The following RELCH variants were observed in gnomAD, a reference collection of about 807,000 sequenced individuals.
RELCH encodes the protein RAB11 binding and LisH domain, coiled-coil and HEAT repeat containing.
Under a neutral mutation model 150.3 loss-of-function variants are expected in RELCH, and 41 were observed. The ratio of observed to expected loss-of-function variants is 0.27; its 90% confidence interval spans 0.21 to 0.35. The LOEUF (loss-of-function observed/expected upper bound fraction) is 0.35. Ranked by LOEUF, RELCH falls within the 10% of genes least tolerant of loss-of-function variation. RELCH has a pLI of 1.00. For synonymous variants in RELCH, 478 were observed against 531.8 expected, an observed-to-expected ratio of 0.90 and a Z score of 1.39; for missense variants, 1,092 against 1,467.8, an observed-to-expected ratio of 0.74 and a Z score of 4.18.
intron 12 of RELCH, among the ~76,000 whole-genome samples, chr18:62,253,400 G>A (rs2042833889): frequency 6.6e-6 from 1 of 151,282 alleles, no homozygotes; most frequent in Admixed American, 6.6e-5. Context: ...ATTTATACTT[G>A]AACTCATTAT....
chr18:62,248,004 C>T (rs780879065), intron 11 of RELCH, among the ~76,000 whole-genome samples: 2 of 152,082 alleles, frequency 1.3e-5, no homozygotes, highest in Non-Finnish European at 2.9e-5. Context: ...GTATATGTTC[C>T]TGCAATATCA....
At position 62,287,357 on chromosome 18, in the gene RELCH, T is replaced by C. The variant is rs2044863569; in HGVS notation, c.3260T>C (p.Ile1087Thr). 6.4e-7 allele frequency: 1 copy of C among 1,566,562 alleles called. No individual in the cohort carries two copies. Among genetic ancestry groups the C allele is most frequent in the Non-Finnish European group, 8.8e-7 (1 of 1,137,976 alleles). Residue 1087 changes from isoleucine to threonine, a missense_variant, in exon 26 of 29, where the codon ATA becomes ACA. Around this residue, in one of 4 missense-constraint regions of RELCH, gnomAD observed 707 missense variants for 1,025.4 expected, o/e 0.69. Coordinates refer to ENST00000644646, the MANE Select transcript of RELCH (RefSeq NM_001346231.2). The part of the protein sequence containing the change: ...AEPRFRDEFV[I>T]PHLHKLALVN... ...CTTTTTTTTCTGTTTTCAGTTGTTA[T>C]ACCACATTTGCATAAGTTAGCCTTG...
At chr18:62,290,392 G>T (rs111394684) in intron 26 of RELCH, among the ~76,000 whole-genome samples, 6,878 of 152,288 alleles carry the variant, frequency 0.045, 188 homozygotes, top group South Asian at 0.073. Context: ...TTAGCTGGAT[G>T]TGGTGCCGTG....
At chr18:62,205,199 T>C (rs9948834) in intron 1 of RELCH, among the ~76,000 whole-genome samples, 14,910 of 152,236 alleles carry the variant, frequency 0.098, 862 homozygotes, top group East Asian at 0.19. Flanking sequence ...TAGAGCTCAA[T>C]ATTTTAAAAT....
chr18:62,203,691 T>C (rs1237791909), intron 1 of RELCH, among the ~76,000 whole-genome samples: 1 of 152,104 alleles, frequency 6.6e-6, no homozygotes, highest in Non-Finnish European at 1.5e-5. Flanking sequence ...TTTCTCACTA[T>C]ATAAGCTTCA....
rs140187097 is a variant in RELCH at position 62,233,194 on chromosome 18, CAGT to C, written c.1620+768_1620+770del. Among the ~76,000 whole-genome samples, 855 of 151,620 alleles carry C rather than the reference CAGT, an allele frequency of 5.6e-3. 15 individuals carry two copies. Among genetic ancestry groups the C allele is most frequent in the East Asian group, 0.052 (266 of 5,156 alleles). ...GTTATTTATAATCTCATTTAAATGACAGTGGATGTTTGCAGATAATTTAAATTA... is the reference window on the plus strand; with the variant it reads ...GTTATTTATAATCTCATTTAAATGACGGATGTTTGCAGATAATTTAAATTA... On this transcript the variant is annotated intron_variant, in intron 10 of 28. Coordinates refer to ENST00000644646, the MANE Select transcript of RELCH (RefSeq NM_001346231.2).
chr18:62,289,824 C>T (rs1310197166), intron 26 of RELCH, among the ~76,000 whole-genome samples: 9 of 152,174 alleles, frequency 5.9e-5, no homozygotes, highest in Admixed American at 5.9e-4. Flanking sequence ...AGGTAGGCCC[C>T]CAACAGAGAG....
chr18:62,237,536 C>T (rs1014569906), intron 10 of RELCH, among the ~76,000 whole-genome samples: 1 of 151,708 alleles, frequency 6.6e-6, no homozygotes, highest in African/African-American at 2.4e-5. Context: ...TTATACTTAA[C>T]ATTAGATTTT....
Position 62,296,872 on chromosome 18 carries a change from T to G in RELCH, c.3460-1918T>G, listed in dbSNP as rs1056094512. ...ATGCATTCCTGGGATAAATCCCACT[T>G]GGTTATGTTGAATACTTCCTTTTAT... On this transcript the variant is annotated intron_variant, in intron 27 of 28. Transcript: ENST00000644646. Among the ~76,000 whole-genome samples, 3 of 152,228 alleles carry G rather than the reference T, an allele frequency of 2.0e-5. No individual in the cohort carries two copies. In the South Asian group the frequency reaches 6.2e-4, roughly 31 times the overall value.
At chr18:62,272,249 T>G (rs1336341774) in intron 20 of RELCH, among the ~76,000 whole-genome samples, 2 of 152,150 alleles carry the variant, frequency 1.3e-5, no homozygotes, top group Non-Finnish European at 2.9e-5. Flanking sequence ...GACGCAACAG[T>G]ATGCCTACCA....
rs144880047 is a variant in RELCH at position 62,252,948 on chromosome 18, G to T, written c.1824+194G>T. 8.2e-4 allele frequency among the ~76,000 whole-genome samples: 125 copies of T among 152,262 alleles called. 1 individual carries two copies. The highest frequency in any genetic ancestry group is 3.0e-3 in the African/African-American group (123 of 41,552). On this transcript the variant is annotated intron_variant, in intron 12 of 28. Coordinates refer to ENST00000644646, the MANE Select transcript of RELCH (RefSeq NM_001346231.2). Reference sequence around the variant, plus strand: ...TTTCCTTTATTCATTCAGTCAACAAGTACTTATGAAACACTAATTTCAGTG... The same window carrying T: ...TTTCCTTTATTCATTCAGTCAACAATTACTTATGAAACACTAATTTCAGTG...
chr18:62,203,923 G>A (rs1255409006), intron 1 of RELCH, among the ~76,000 whole-genome samples: 2 of 152,072 alleles, frequency 1.3e-5, no homozygotes, highest in Non-Finnish European at 2.9e-5. Context: ...GGGTTACAGC[G>A]AGCTATGATC....
chr18:62,193,514 T>C (rs1181589814), intron 1 of RELCH, among the ~76,000 whole-genome samples: 1 of 152,162 alleles, frequency 6.6e-6, no homozygotes, highest in Non-Finnish European at 1.5e-5. Context: ...CATATATGGC[T>C]CTTATTATTT....
intron 25 of RELCH, among the ~76,000 whole-genome samples, chr18:62,287,113 G>A (rs1388777517): frequency 6.6e-6 from 1 of 152,110 alleles, no homozygotes; most frequent in Non-Finnish European, 1.5e-5. Flanking sequence ...CTCATAATTA[G>A]GTAATAGTGA....
rs550992564 is a variant in RELCH at position 62,245,853 on chromosome 18, A to T, written c.1733+977A>T. On this transcript the variant is annotated intron_variant, in intron 11 of 28. Transcript: ENST00000644646. ...GCATCTACTAGTAATTGATGATTAG[A>T]TTATGCCCAAACCCTCTAGTGGAAG... The T allele has an allele frequency of 5.9e-5, 9 of 152,250 alleles. No individual in the cohort carries two copies. In the East Asian group the frequency reaches 1.7e-3, roughly 29 times the overall value. The allele number at this position is 152,250 out of a possible 1,614,324, so 9.4% of individuals were successfully genotyped here.
Position 62,252,727 on chromosome 18 carries a change from T to G in RELCH, c.1797T>G (p.Ala599=). ...ATGTTGGACCAACACGTGTAGAAGC[T>G]GAACTTTTACCACAGTGTTGGGAAC... is the stretch of plus-strand genomic sequence containing the variant. The part of the protein sequence containing the change: ...ARHVGPTRVE[A]ELLPQCWEQI... The change falls in exon 12 of 29, where the codon GCT becomes GCG. Residue 599 remains alanine (A), a synonymous_variant. Coordinates refer to ENST00000644646, the MANE Select transcript of RELCH (RefSeq NM_001346231.2). 1 of 1,613,870 alleles carries G rather than the reference T, an allele frequency of 6.2e-7. No homozygotes were observed. Among genetic ancestry groups the G allele is most frequent in the Non-Finnish European group, 8.5e-7 (1 of 1,179,786 alleles).
chr18:62,250,681 C>A (rs948210714), intron 11 of RELCH, among the ~76,000 whole-genome samples: 1 of 152,192 alleles, frequency 6.6e-6, no homozygotes, highest in Non-Finnish European at 1.5e-5. Context: ...GACACATTGG[C>A]TCACCGTTTC....
rs535502059 is a variant in RELCH, at chr18:62,192,714, C to T, written c.526+4683C>T. On this transcript the variant is annotated intron_variant, in intron 1 of 28. Transcript: ENST00000644646. Reference sequence around the variant, plus strand: ...TGGTTGTAAGTATCCAGTCTTATTTCTGAATGCTCTCTTCTGTTCTGTTGG... The same window carrying T: ...TGGTTGTAAGTATCCAGTCTTATTTTTGAATGCTCTCTTCTGTTCTGTTGG... Among the ~76,000 whole-genome samples, 10 of 152,224 alleles carry T rather than the reference C, an allele frequency of 6.6e-5. No individual in the cohort carries two copies. The South Asian group carries it at 1.9e-3, about 28-fold the overall frequency.
rs140491057 is a variant in RELCH, at chr18:62,221,736, C to T, written c.858+239C>T. 2.1e-3 allele frequency among the ~76,000 whole-genome samples: 317 copies of T among 151,762 alleles called. 4 individuals are homozygous for T. Among genetic ancestry groups the T allele is most frequent in the African/African-American group, 7.4e-3 (307 of 41,442 alleles). On this transcript the variant is annotated intron_variant, in intron 5 of 28. Coordinates refer to ENST00000644646, the MANE Select transcript of RELCH (RefSeq NM_001346231.2). ...TCTTTCTAGATTCCTTTTTACTACTCCTCAGTGACTATATAGTCCACTCAT... is the reference window on the plus strand; with the variant it reads ...TCTTTCTAGATTCCTTTTTACTACTTCTCAGTGACTATATAGTCCACTCAT...
Sources: gnomAD v4.1 joint callset for allele counts (sites outside exome capture counted in the v4.1 genomes callset) on GRCh38, gnomAD v4.1.1 for gene constraint, gnomAD v4.1.1 regional missense constraint, MANE v1.5 for transcripts, NCBI Gene and HGNC (gene_info 2026-07-23, HGNC 2026-07-21) for gene names.